The following NPFFR2 variants were observed in gnomAD, a reference collection of about 807,000 sequenced individuals.
NPFFR2 encodes the protein G-protein coupled receptor 74.
NPFFR2 carries 15 observed loss-of-function variants against 13.1 expected under a neutral mutation model. The observed-to-expected ratio is 1.15, with a 90% CI of 0.77 to 1.76. The LOEUF (loss-of-function observed/expected upper bound fraction) is 1.76. Among genes scored for constraint, NPFFR2 ranks in the 40% most tolerant of loss-of-function variants. NPFFR2 has a pLI of 0.00. For synonymous variants in NPFFR2, 190 were observed against 175.7 expected, an observed-to-expected ratio of 1.08 and a Z score of -0.65; for missense variants, 572 against 503.5, an observed-to-expected ratio of 1.14 and a Z score of -1.30.
intron 1 of NPFFR2, among the ~76,000 whole-genome samples, chr4:72,080,513 A>C (rs747563017): frequency 2.0e-5 from 3 of 152,112 alleles, no homozygotes; most frequent in Non-Finnish European, 4.4e-5. Flanking sequence ...ATCTTATACT[A>C]TACATATTTC....
intron 1 of NPFFR2, among the ~76,000 whole-genome samples, chr4:72,065,100 A>C (rs1449642582): frequency 6.6e-6 from 1 of 152,130 alleles, no homozygotes; most frequent in East Asian, 1.9e-4. Context: ...AGAAAAAAAA[A>C]AAAACAAAGC....
At chr4:72,066,120 T>C (rs1419200460) in intron 1 of NPFFR2, among the ~76,000 whole-genome samples, 1 of 152,202 alleles carries the variant, frequency 6.6e-6, no homozygotes, top group African/African-American at 2.4e-5. Flanking sequence ...CAGGTTTGAT[T>C]GTCTGGAGAG....
chr4:72,128,045 C>T (rs530705085), intron 1 of NPFFR2, among the ~76,000 whole-genome samples: 52 of 152,216 alleles, frequency 3.4e-4, no homozygotes, highest in African/African-American at 1.2e-3. Context: ...TGCCACTGCA[C>T]TCCCATCCAG....
At chr4:72,059,344 A>G (rs1056104980) in intron 1 of NPFFR2, among the ~76,000 whole-genome samples, 1 of 152,070 alleles carries the variant, frequency 6.6e-6, no homozygotes, top group Non-Finnish European at 1.5e-5. Flanking sequence ...AAAACAAAAA[A>G]CTGGTTTTTT....
At chr4:72,120,480 G>T (rs373689294) in intron 1 of NPFFR2, among the ~76,000 whole-genome samples, 2 of 152,210 alleles carry the variant, frequency 1.3e-5, no homozygotes, top group East Asian at 1.9e-4. Context: ...CCCAGCAAGG[G>T]TTGACAGACA....
chr4:72,090,213 G>A (rs28805338), intron 1 of NPFFR2, among the ~76,000 whole-genome samples: 1 of 151,876 alleles, frequency 6.6e-6, no homozygotes, highest in African/African-American at 2.4e-5. Flanking sequence ...CCATGCTGTT[G>A]TGGTGACTAT....
At chr4:72,054,936 A>G (rs1246085911) in intron 1 of NPFFR2, among the ~76,000 whole-genome samples, 1 of 151,912 alleles carries the variant, frequency 6.6e-6, no homozygotes, top group Non-Finnish European at 1.5e-5. Context: ...TATCATCCCC[A>G]AGGTAGCAAA....
At position 72,100,505 on chromosome 4, in the gene NPFFR2, A is replaced by G. The variant is rs531805262; in HGVS notation, c.-7-28080A>G. Among the ~76,000 whole-genome samples the G allele has an allele frequency of 9.3e-4, 142 of 152,206 alleles. 1 individual carries two copies. Among genetic ancestry groups the G allele is most frequent in the African/African-American group, 3.3e-3 (139 of 41,570 alleles). ...GTAGCTGTATAAAATTCTTGTTATC[A>G]GCAGCAAATTTCTGACTCTCTGATA... On this transcript the variant is annotated intron_variant, in intron 1 of 3. Coordinates refer to ENST00000308744, the MANE Select transcript of NPFFR2 (RefSeq NM_004885.3).
chr4:72,107,910 C>A (rs957965336), intron 1 of NPFFR2, among the ~76,000 whole-genome samples: 1 of 151,934 alleles, frequency 6.6e-6, no homozygotes, highest in Non-Finnish European at 1.5e-5. Context: ...TATTTTTATG[C>A]ATATTGTATT....
chr4:72,135,639 A>G (rs999454290), intron 2 of NPFFR2, among the ~76,000 whole-genome samples: 5 of 151,988 alleles, frequency 3.3e-5, no homozygotes, highest in Admixed American at 3.3e-4. Flanking sequence ...AAAGTGCATT[A>G]TATCTCTGGT....
intron 1 of NPFFR2, among the ~76,000 whole-genome samples, chr4:72,100,557 T>C (rs1483147569): frequency 6.6e-6 from 1 of 151,472 alleles, no homozygotes; most frequent in Non-Finnish European, 1.5e-5. Context: ...CTTATACTAC[T>C]ACTACTAATA....
intron 1 of NPFFR2, among the ~76,000 whole-genome samples, chr4:72,078,727 AAG>A (rs1322441530): frequency 2.0e-5 from 3 of 152,166 alleles, no homozygotes; most frequent in African/African-American, 7.2e-5. Flanking sequence ...ACATCAGTGA[AAG>A]AGAATAGAAA....
In NPFFR2 at chr4:72,127,303, C is replaced by CAAAA. The variant is rs772559589; in HGVS notation, c.-7-1257_-7-1254dup. ...TGGGTGACAGAGCTAGACTCCATCT[C>CAAAA]AAAAAAAAAAAAAAAAAAAAAAAAA... On this transcript the variant is annotated intron_variant, in intron 1 of 3. Transcript: ENST00000308744. Among the ~76,000 whole-genome samples, 2 of 11,422 alleles carry CAAAA rather than the reference C, an allele frequency of 1.8e-4. 1 individual carries two copies. The highest frequency in any genetic ancestry group is 6.4e-4 in the African/African-American group (2 of 3,110). The allele number at this position is 11,422 out of a possible 152,430, so 7.5% of individuals were successfully genotyped here. A position where few individuals can be genotyped will look rare whatever the true frequency, so the allele number is the denominator to read the frequency against.
intron 3 of NPFFR2, among the ~76,000 whole-genome samples, chr4:72,141,197 TAA>T (rs893610366): frequency 1.3e-5 from 2 of 151,396 alleles, no homozygotes; most frequent in Admixed American, 6.6e-5. Flanking sequence ...TGTTGATCTT[TAA>T]AAAAAAACCA....
chr4:72,078,087 T>C lies in NPFFR2; in HGVS notation c.-8+45887T>C, dbSNP rs532540418. On this transcript the variant is annotated intron_variant, in intron 1 of 3. Transcript: ENST00000308744. ...GCTCTCTCATAATCTATAATTGGTG[T>C]GCTATTTCTTAATGTTTGTTCCATA... Among the ~76,000 whole-genome samples, 216 of 152,218 alleles carry C rather than the reference T, an allele frequency of 1.4e-3. 2 individuals are homozygous for C. Among genetic ancestry groups the C allele is most frequent in the African/African-American group, 4.9e-3 (205 of 41,558 alleles).
At chr4:72,050,596 A>C (rs1037022952) in intron 1 of NPFFR2, among the ~76,000 whole-genome samples, 6 of 152,008 alleles carry the variant, frequency 3.9e-5, no homozygotes, top group Non-Finnish European at 8.8e-5. Flanking sequence ...GTTTTACCTC[A>C]AAATACATTT....
At chr4:72,125,263 A>C (rs963531546) in intron 1 of NPFFR2, among the ~76,000 whole-genome samples, 6 of 152,246 alleles carry the variant, frequency 3.9e-5, no homozygotes, top group African/African-American at 1.4e-4. Flanking sequence ...CAATCATTAA[A>C]AAGTCAGGAA....
At chr4:72,054,630 A>T (rs1719689928) in intron 1 of NPFFR2, among the ~76,000 whole-genome samples, 1 of 151,950 alleles carries the variant, frequency 6.6e-6, no homozygotes. Flanking sequence ...TGACACAATT[A>T]ACTTTATCAA....
chr4:72,084,390 A>G (rs771299747), intron 1 of NPFFR2, among the ~76,000 whole-genome samples: 1 of 152,304 alleles, frequency 6.6e-6, no homozygotes, highest in South Asian at 2.1e-4. Flanking sequence ...TTGGAAGGTG[A>G]TGAGACTGAA....
Sources: allele counts gnomAD v4.1 joint callset (sites outside exome capture counted in the v4.1 genomes callset), GRCh38; gene constraint gnomAD v4.1.1; transcripts MANE v1.5; gene names NCBI Gene and HGNC (gene_info 2026-07-23, HGNC 2026-07-21).